The following LIMCH1 variants were observed in gnomAD, a reference collection of about 807,000 sequenced individuals.
The protein encoded by LIMCH1 is LIM and calponin homology domains-containing protein 1.
In LIMCH1, 113 loss-of-function variants were observed where a neutral mutation model predicts 176.5. The ratio of observed to expected loss-of-function variants is 0.64; its 90% CI spans 0.55 to 0.75. The LOEUF is 0.75. Among genes scored for constraint, LIMCH1 ranks in the 30% least tolerant of loss-of-function variants. The pLI, the probability that LIMCH1 is intolerant of heterozygous loss-of-function variation, is 0.00. For missense variants in LIMCH1, 1,674 were observed against 1,814.9 expected, an observed-to-expected ratio of 0.92 and a Z score of 1.41; for synonymous variants, 619 against 645.9, an observed-to-expected ratio of 0.96 and a Z score of 0.63.
intron 13 of LIMCH1, among the ~76,000 whole-genome samples, chr4:41,635,855 C>T (rs753938405): frequency 3.9e-5 from 6 of 152,220 alleles, no homozygotes; most frequent in Non-Finnish European, 5.9e-5. Flanking sequence ...TACATAAATA[C>T]AGGCAATGGG....
chr4:41,604,961 G>A (rs1409991716), intron 3 of LIMCH1, among the ~76,000 whole-genome samples: 1 of 151,912 alleles, frequency 6.6e-6, no homozygotes. Context: ...GTAGAAGGAG[G>A]CACAATAAGT....
chr4:41,369,860 A>G (rs1035940117), intron 1 of LIMCH1, among the ~76,000 whole-genome samples: 3 of 150,718 alleles, frequency 2.0e-5, no homozygotes, highest in Non-Finnish European at 4.4e-5. Context: ...GTCTGTGCCC[A>G]GCTACGGTTG....
intron 3 of LIMCH1, among the ~76,000 whole-genome samples, chr4:41,529,022 A>G (rs766985084): frequency 6.6e-6 from 1 of 152,204 alleles, no homozygotes; most frequent in African/African-American, 2.4e-5. Flanking sequence ...CTGCCTGCAG[A>G]TGCTTGCATT....
At chr4:41,612,424 G>A (rs145650623) in intron 4 of LIMCH1, 121 of 634,316 alleles carry the variant, frequency 1.9e-4, no homozygotes, top group Admixed American at 7.4e-4. Flanking sequence ...AGTCTTTGCG[G>A]ATGAGAACAT....
At chr4:41,629,208 T>C (rs1325940499) in intron 8 of LIMCH1, among the ~76,000 whole-genome samples, 2 of 152,132 alleles carry the variant, frequency 1.3e-5, no homozygotes, top group Admixed American at 1.3e-4. Flanking sequence ...CTCATTACCA[T>C]TAGTAATCTT....
chr4:41,564,185 T>C (rs906935341), intron 1 of LIMCH1, among the ~76,000 whole-genome samples: 3 of 152,206 alleles, frequency 2.0e-5, no homozygotes, highest in Non-Finnish European at 4.4e-5. Flanking sequence ...ATATGATTGT[T>C]CCCATTTTAC....
intron 5 of LIMCH1, 36 bp from the exon 6 acceptor site, chr4:41,619,152 A>G (rs1428444126): frequency 4.3e-6 from 7 of 1,611,118 alleles, no homozygotes; most frequent in Middle Eastern, 1.6e-4. Flanking sequence ...CTGCTAGCCT[A>G]ACACACTTTC....
At chr4:41,681,127 C>A in intron 25 of LIMCH1, 68 bp downstream of exon 25, 1 of 912,556 alleles carries the variant, frequency 1.1e-6, no homozygotes, top group Non-Finnish European at 1.8e-6. Context: ...AACCCCAAGA[C>A]CAAGGTTACC....
intron 1 of LIMCH1, among the ~76,000 whole-genome samples, chr4:41,478,207 A>G (rs1401784903): frequency 6.6e-6 from 1 of 152,270 alleles, no homozygotes; most frequent in Non-Finnish European, 1.5e-5. Flanking sequence ...TAATTATTGA[A>G]GGTGAACAGT....
intron 2 of LIMCH1, among the ~76,000 whole-genome samples, chr4:41,600,124 A>G (rs148631120): frequency 2.0e-4 from 30 of 152,320 alleles, no homozygotes; most frequent in African/African-American, 6.7e-4. Context: ...GTTAGTAGTG[A>G]TCTGTTATCT....
intron 1 of LIMCH1, among the ~76,000 whole-genome samples, chr4:41,440,733 A>C (rs1347866444): frequency 6.6e-6 from 1 of 152,048 alleles, no homozygotes; most frequent in Non-Finnish European, 1.5e-5. Flanking sequence ...GGGTTTTGCC[A>C]TGTTGGCCAA....
At chr4:41,628,691 A>G (rs1448025404) in intron 8 of LIMCH1, among the ~76,000 whole-genome samples, 1 of 152,196 alleles carries the variant, frequency 6.6e-6, no homozygotes, top group Non-Finnish European at 1.5e-5. Context: ...TGGAATATTT[A>G]TATATATAAA....
At chr4:41,692,091 C>A (rs1468986654) in intron 30 of LIMCH1, among the ~76,000 whole-genome samples, 191 bp from the exon 31 acceptor site, 1 of 152,190 alleles carries the variant, frequency 6.6e-6, no homozygotes, top group Non-Finnish European at 1.5e-5. Flanking sequence ...AGGAATTAAG[C>A]TAAAATTGCT....
chr4:41,545,365 A>T (rs530157827), intron 1 of LIMCH1, among the ~76,000 whole-genome samples: 1 of 152,266 alleles, frequency 6.6e-6, no homozygotes, highest in East Asian at 1.9e-4. Flanking sequence ...TGAGTTCTGG[A>T]TCTCCTGCAA....
At chr4:41,541,209 G>T (rs754658527) in intron 1 of LIMCH1, among the ~76,000 whole-genome samples, 1 of 152,134 alleles carries the variant, frequency 6.6e-6, no homozygotes, top group Non-Finnish European at 1.5e-5. Context: ...AAAGAATGAA[G>T]GAACCAAAGC....
intron 2 of LIMCH1, among the ~76,000 whole-genome samples, chr4:41,522,318 C>CG (rs1244764848): frequency 6.6e-6 from 1 of 152,058 alleles, no homozygotes; most frequent in Non-Finnish European, 1.5e-5. Context: ...AGGTGTAGGA[C>CG]AGTGTGTACT....
chr4:41,473,109 A>G, intron 1 of LIMCH1: 1 of 985,316 alleles, frequency 1.0e-6, no homozygotes, highest in African/African-American at 1.7e-5. Flanking sequence ...AACTCCTCCC[A>G]GTGCCATAAA....
At chr4:41,577,318 G>A (rs1043816443) in intron 1 of LIMCH1, among the ~76,000 whole-genome samples, 1 of 152,024 alleles carries the variant, frequency 6.6e-6, no homozygotes, top group African/African-American at 2.4e-5. Context: ...GGAAAGCCCA[G>A]AATTTTAGAA....
In LIMCH1 at chr4:41,650,421, A is replaced by G; in HGVS notation, c.2849A>G (p.Glu950Gly). The G allele has an allele frequency of 6.2e-7, 1 of 1,614,044 alleles. No individual in the cohort carries two copies. Among genetic ancestry groups the G allele is most frequent in the Non-Finnish European group, 8.5e-7 (1 of 1,179,996 alleles). Reference sequence around the variant, plus strand: ...GACGGGAAAGTCAGTGTGAATGGAGAGACGGTTCATAGAGAGGAGGAGAAG... The same window carrying G: ...GACGGGAAAGTCAGTGTGAATGGAGGGACGGTTCATAGAGAGGAGGAGAAG... ...KVDGKVSVNG[E>G]TVHREEEKER... The change falls in exon 18 of 32, where the codon GAG (glutamate) becomes GGG (glycine). Residue 950 changes from glutamate (E) to glycine (G), a missense_variant. This residue lies in a region of LIMCH1 where 1,015 missense variants were observed against 1,102.5 expected (regional missense o/e 0.92). Coordinates refer to ENST00000503057, the MANE Select transcript of LIMCH1 (RefSeq NM_001330672.2).
Sources: gnomAD v4.1 joint callset for allele counts (sites outside exome capture counted in the v4.1 genomes callset) on GRCh38, gnomAD v4.1.1 for gene constraint, gnomAD v4.1.1 regional missense constraint, MANE v1.5 for transcripts, NCBI Gene and HGNC (gene_info 2026-07-23, HGNC 2026-07-21) for gene names.